Variants in ANO4 observed in about 807,000 individuals in gnomAD.
ANO4 encodes anoctamin-4.
Under a neutral mutation model 141.9 loss-of-function variants are expected in ANO4, and 69 were observed. The ratio of observed to expected loss-of-function variants is 0.49; its 90% CI spans 0.40 to 0.59. The LOEUF (loss-of-function observed/expected upper bound fraction) is 0.59. Ranked by LOEUF, ANO4 falls within the 20% of genes least tolerant of loss-of-function variation. ANO4 has a pLI of 0.00. For missense variants in ANO4, 894 were observed against 1,162.2 expected (o/e 0.77, Z 3.36); for synonymous variants, 350 against 394.3 (o/e 0.89, Z 1.33).
At chr12:100,749,260 T>G (rs752890083) in intron 3 of ANO4, among the ~76,000 whole-genome samples, 1 of 152,324 alleles carries the variant, frequency 6.6e-6, no homozygotes, top group Non-Finnish European at 1.5e-5. Flanking sequence ...TGGTCTTCCA[T>G]GGTGCATTCC....
At chr12:100,851,264 T>C (rs747125888) in intron 1 of ANO4, among the ~76,000 whole-genome samples, 4 of 152,206 alleles carry the variant, frequency 2.6e-5, no homozygotes, top group Non-Finnish European at 5.9e-5. Context: ...TATCTTCTTG[T>C]TTACATTTTA....
intron 16 of ANO4, among the ~76,000 whole-genome samples, chr12:101,085,625 C>T (rs966446630): frequency 6.6e-5 from 10 of 151,992 alleles, no homozygotes; most frequent in Non-Finnish European, 1.2e-4. Context: ...TGGGCCAATC[C>T]GTCATGAGGA....
At chr12:100,765,653 G>C (rs1211149295) in intron 3 of ANO4, among the ~76,000 whole-genome samples, 1 of 148,498 alleles carries the variant, frequency 6.7e-6, no homozygotes, top group Non-Finnish European at 1.5e-5. Context: ...TAGGAATTCA[G>C]ATGTGAGCTA....
intron 2 of ANO4, among the ~76,000 whole-genome samples, chr12:100,920,658 A>G (rs145526719): frequency 3.3e-4 from 50 of 152,296 alleles, no homozygotes; most frequent in African/African-American, 1.0e-3. Context: ...AGGCAGCTGC[A>G]TTAGTGCATC....
Position 101,014,535 on chromosome 12 carries a change from T to C in ANO4, c.735-5499T>C, listed in dbSNP as rs959865194. ...ATATGCAGAAAGCCCTTCACACACA[T>C]GCACACAGGCAGACCTGGGCCCCTC... On this transcript the variant is annotated intron_variant, in intron 8 of 27. Transcript: ENST00000392977. 7.9e-5 allele frequency among the ~76,000 whole-genome samples: 12 copies of C among 152,298 alleles called. 1 individual carries two copies. Among genetic ancestry groups the C allele is most frequent in the Middle Eastern group, 3.4e-3 (1 of 294 alleles).
At chr12:100,964,138 CA>C (rs952727848) in intron 5 of ANO4, among the ~76,000 whole-genome samples, 38 of 151,266 alleles carry the variant, frequency 2.5e-4, no homozygotes, top group African/African-American at 6.3e-4. Flanking sequence ...AGCATTCCTT[CA>C]AAAAAAAATT....
intron 26 of ANO4, among the ~76,000 whole-genome samples, chr12:101,121,552 A>G (rs2051093474): frequency 6.6e-6 from 1 of 152,054 alleles, no homozygotes; most frequent in South Asian, 2.1e-4. Context: ...ATATGAGTAC[A>G]TGTGTCTTTT....
chr12:100,967,682 T>G (rs1343109449), intron 5 of ANO4, among the ~76,000 whole-genome samples: 1 of 152,094 alleles, frequency 6.6e-6, no homozygotes, highest in African/African-American at 2.4e-5. Flanking sequence ...AAAAAAACCT[T>G]TAATAGCCCC....
At chr12:101,059,889 C>G (rs1453552459) in intron 14 of ANO4, among the ~76,000 whole-genome samples, 1 of 152,168 alleles carries the variant, frequency 6.6e-6, no homozygotes, top group African/African-American at 2.4e-5. Context: ...CAGTTCTGCT[C>G]TGATCTTAGT....
At chr12:100,758,134 G>T (rs1048782279) in intron 3 of ANO4, among the ~76,000 whole-genome samples, 1 of 152,224 alleles carries the variant, frequency 6.6e-6, no homozygotes. Flanking sequence ...CCTCCAGCTT[G>T]TCTAACTGCA....
chr12:100,739,539 T>C (rs2031771186), intron 2 of ANO4, among the ~76,000 whole-genome samples: 2 of 152,116 alleles, frequency 1.3e-5, no homozygotes. Flanking sequence ...TCTAGATCAG[T>C]TCTGCAGTTT....
At position 100,747,063 on chromosome 12, in the gene ANO4, C is replaced by G. The variant is rs535926612; in HGVS notation, c.358+6958C>G. On this transcript the variant is annotated intron_variant, in intron 3 of 29. Coordinates refer to the ANO4 transcript ENST00000644049. ...GTTTAGCAGCATCCCTGGCCTGCAC[C>G]CAACAGACGTCAGTTGTGATATCTG... 2.0e-5 allele frequency among the ~76,000 whole-genome samples: 3 copies of G among 152,140 alleles called. No homozygotes were observed. In the East Asian group the frequency reaches 5.8e-4, roughly 29 times the overall value.
chr12:100,947,672 G>T (rs553012764), intron 5 of ANO4, among the ~76,000 whole-genome samples: 78 of 152,256 alleles, frequency 5.1e-4, no homozygotes, highest in Admixed American at 3.7e-3. Flanking sequence ...GGATACTTCT[G>T]TGTAATATGA....
chr12:101,059,796 G>A (rs532037030), intron 14 of ANO4, among the ~76,000 whole-genome samples: 44 of 152,092 alleles, frequency 2.9e-4, no homozygotes, highest in African/African-American at 9.9e-4. Context: ...TCTGGCTAGT[G>A]GTCTATGTAT....
At chr12:100,861,711 A>G (rs756001197) in intron 1 of ANO4, among the ~76,000 whole-genome samples, 10 of 152,206 alleles carry the variant, frequency 6.6e-5, no homozygotes, top group Admixed American at 1.3e-4. Flanking sequence ...TTTTTGCTGT[A>G]TAAACTTATT....
intron 3 of ANO4, among the ~76,000 whole-genome samples, chr12:100,938,965 C>T (rs2042396058): frequency 1.3e-5 from 2 of 152,180 alleles, no homozygotes; most frequent in Non-Finnish European, 2.9e-5. Flanking sequence ...TCATCTCCAA[C>T]CCTTTTCCAA....
chr12:101,059,772 GTCT>G (rs577680630), intron 14 of ANO4, among the ~76,000 whole-genome samples: 17 of 151,986 alleles, frequency 1.1e-4, no homozygotes, highest in Non-Finnish European at 1.0e-4. Context: ...CTTCTCTCTT[GTCT>G]TCTTTATTAG....
chr12:100,931,015 A>G (rs533920663), intron 3 of ANO4, among the ~76,000 whole-genome samples: 2 of 152,266 alleles, frequency 1.3e-5, no homozygotes, highest in East Asian at 3.9e-4. Flanking sequence ...CTAAGGAAGC[A>G]TTATGTCCTT....
intron 1 of ANO4, among the ~76,000 whole-genome samples, chr12:100,894,605 A>G (rs1248008884): frequency 6.6e-6 from 1 of 152,076 alleles, no homozygotes; most frequent in Non-Finnish European, 1.5e-5. Flanking sequence ...ATGTATACCT[A>G]CGTGTTTGAG....
Sources: gnomAD v4.1 joint callset for allele counts (sites outside exome capture counted in the v4.1 genomes callset) on GRCh38, gnomAD v4.1.1 for gene constraint, MANE v1.5 for transcripts, NCBI Gene and HGNC (gene_info 2026-07-23, HGNC 2026-07-21) for gene names.